Variants in LMBR1 observed in about 807,000 individuals in gnomAD.
LMBR1 encodes the protein limb region 1 protein homolog.
A neutral mutation model predicts 73.9 loss-of-function variants in LMBR1; 52 were observed. The ratio of observed to expected loss-of-function variants is 0.70; its 90% CI spans 0.56 to 0.89. LMBR1 has a LOEUF of 0.89. Among genes scored for constraint, LMBR1 ranks in the 40% least tolerant of loss-of-function variants. The probability of loss-of-function intolerance (pLI) is 0.00; values close to 1 mark genes in which losing one functional copy is unlikely to be tolerated. For missense variants in LMBR1, 539 were observed against 579.8 expected (o/e 0.93, Z 0.72); for synonymous variants, 215 against 209.4 (o/e 1.03, Z -0.23).
At chr7:156,882,346 G>A (rs186726672) in intron 1 of LMBR1, among the ~76,000 whole-genome samples, 1 of 152,324 alleles carries the variant, frequency 6.6e-6, no homozygotes, top group African/African-American at 2.4e-5. Flanking sequence ...TTAGGAGGCT[G>A]AGGTGAGAGG....
At chr7:156,795,810 C>T (rs575134065) in intron 5 of LMBR1, among the ~76,000 whole-genome samples, 12 of 152,280 alleles carry the variant, frequency 7.9e-5, no homozygotes, top group Non-Finnish European at 1.8e-4. Flanking sequence ...GCCGCAGCCT[C>T]CCAAAGTGGT....
intron 1 of LMBR1, among the ~76,000 whole-genome samples, chr7:156,874,476 C>T (rs570726858): frequency 6.6e-6 from 1 of 152,236 alleles, no homozygotes; most frequent in Non-Finnish European, 1.5e-5. Flanking sequence ...CCGAAGGGCT[C>T]CTCAAATGCC....
intron 1 of LMBR1, among the ~76,000 whole-genome samples, chr7:156,880,085 TG>T (rs1269301478): frequency 6.6e-6 from 1 of 152,178 alleles, no homozygotes; most frequent in Non-Finnish European, 1.5e-5. Context: ...GTTGCAAAAA[TG>T]TGGAACCAAC....
intron 15 of LMBR1, among the ~76,000 whole-genome samples, chr7:156,699,570 T>C (rs2132035689): frequency 6.6e-6 from 1 of 151,904 alleles, no homozygotes; most frequent in South Asian, 2.1e-4. Context: ...CTAATTAAAC[T>C]AAACAGCTTC....
intron 9 of LMBR1, among the ~76,000 whole-genome samples, chr7:156,752,406 G>C (rs1172255436): frequency 6.6e-6 from 1 of 152,182 alleles, no homozygotes; most frequent in African/African-American, 2.4e-5. Context: ...GATACAGTTG[G>C]GGAAAAACTG....
At chr7:156,872,809 T>G (rs953542382) in intron 1 of LMBR1, among the ~76,000 whole-genome samples, 1 of 150,928 alleles carries the variant, frequency 6.6e-6, no homozygotes, top group Non-Finnish European at 1.5e-5. Context: ...TCAGACAGAG[T>G]AGTGTGTGGA....
chr7:156,724,169 T>G lies in LMBR1; in HGVS notation c.1168A>C (p.Asn390His). 1.2e-6 allele frequency: 2 copies of G among 1,611,200 alleles called. No individual in the cohort carries two copies. Among genetic ancestry groups the G allele is most frequent in the Non-Finnish European group, 1.7e-6 (2 of 1,178,284 alleles). The change falls in exon 15 of 17, where the codon AAT becomes CAT. Residue 390 changes from asparagine (N) to histidine (H), a missense_variant. By Grantham distance (68) the Asn-to-His change is moderately conservative. This residue lies in a region of LMBR1 where 454 missense variants were observed against 473.4 expected (regional missense o/e 0.96). Coordinates refer to ENST00000353442, the MANE Select transcript of LMBR1 (RefSeq NM_022458.4). ...CTCAAAACCAAGATGGACACACAAT[T>G]TCCAATGATCTGTTATGAGAAACGA... ...DDTTMTKIIG[N>H]CVSILVLSSA...
At chr7:156,687,099 A>G (rs1806159319) in intron 16 of LMBR1, among the ~76,000 whole-genome samples, 1 of 152,188 alleles carries the variant, frequency 6.6e-6, no homozygotes, top group African/African-American at 2.4e-5. Context: ...CAAGGTTGGA[A>G]AGGCCTGGTG....
chr7:156,701,363 CAAT>C (rs1809638560), intron 15 of LMBR1, among the ~76,000 whole-genome samples: 1 of 152,066 alleles, frequency 6.6e-6, no homozygotes, highest in African/African-American at 2.4e-5. Context: ...TACTATTCAA[CAAT>C]AAAAAATGAA....
chr7:156,724,902 G>T (rs955879019), intron 14 of LMBR1, among the ~76,000 whole-genome samples: 1 of 151,848 alleles, frequency 6.6e-6, no homozygotes, highest in African/African-American at 2.4e-5. Context: ...GTCAGCCTAC[G>T]GGAATATTTT....
downstream of LMBR1, chr7:156,676,315 C>G (rs751671528): frequency 6.2e-7 from 1 of 1,611,148 alleles, no homozygotes; most frequent in African/African-American, 1.3e-5. Context: ...CCGCATGTTT[C>G]GAAGACCCAT....
At chr7:156,798,769 A>G (rs1250705218) in intron 4 of LMBR1, among the ~76,000 whole-genome samples, 1 of 152,210 alleles carries the variant, frequency 6.6e-6, no homozygotes, top group Non-Finnish European at 1.5e-5. Flanking sequence ...GTGGTGAAAA[A>G]TACATGACCG....
chr7:156,694,345 C>A (rs1017973515), intron 15 of LMBR1, among the ~76,000 whole-genome samples: 1 of 152,036 alleles, frequency 6.6e-6, no homozygotes, highest in African/African-American at 2.4e-5. Flanking sequence ...GTTGCCCAGG[C>A]CGGTCTTGAA....
At chr7:156,815,793 T>C (rs1451306546) in intron 4 of LMBR1, among the ~76,000 whole-genome samples, 1 of 152,052 alleles carries the variant, frequency 6.6e-6, no homozygotes. Flanking sequence ...TGAATATAAA[T>C]CCTCGAATAC....
intron 4 of LMBR1, among the ~76,000 whole-genome samples, chr7:156,819,924 G>T (rs1351210363): frequency 6.6e-6 from 1 of 152,164 alleles, no homozygotes; most frequent in Non-Finnish European, 1.5e-5. Context: ...CTATTATGGT[G>T]GGAAAGACCA....
At chr7:156,855,098 A>AT (rs1796758361) in intron 1 of LMBR1, among the ~76,000 whole-genome samples, 1 of 152,224 alleles carries the variant, frequency 6.6e-6, no homozygotes, top group South Asian at 2.1e-4. Context: ...CCAGACTCAC[A>AT]TATGACAGAG....
intron 1 of LMBR1, among the ~76,000 whole-genome samples, chr7:156,869,477 A>G (rs1043136693): frequency 3.3e-5 from 5 of 152,242 alleles, no homozygotes; most frequent in Admixed American, 2.0e-4. Context: ...CTGTAATTTA[A>G]GAAGGAAAGA....
In LMBR1 at chr7:156,680,759, T is replaced by A. The variant is rs1804891486; in HGVS notation, c.*3319A>T. On this transcript the variant is annotated 3_prime_UTR_variant, in exon 17 of 17. Coordinates refer to ENST00000353442, the MANE Select transcript of LMBR1 (RefSeq NM_022458.4). ...TCATCAGAATAATTACTGCCCTCTA[T>A]AAAACTGAAATGGAATTAAACTATA... 1 of 175,912 alleles carries A rather than the reference T, an allele frequency of 5.7e-6. No homozygotes were observed. The highest frequency in any genetic ancestry group is 6.4e-5 in the Admixed American group (1 of 15,526). 10.9% of individuals were successfully genotyped at this position (175,912 alleles called of 1,614,324 possible). A position where few individuals can be genotyped will look rare whatever the true frequency, so the allele number is the denominator to read the frequency against.
intron 4 of LMBR1, among the ~76,000 whole-genome samples, chr7:156,810,630 T>C (rs1401852424): frequency 6.6e-6 from 1 of 151,746 alleles, no homozygotes; most frequent in Non-Finnish European, 1.5e-5. Context: ...TGACCTCAAG[T>C]GATCCACCCA....
Sources: allele counts gnomAD v4.1 joint callset (sites outside exome capture counted in the v4.1 genomes callset), GRCh38; gene constraint gnomAD v4.1.1; regional missense constraint gnomAD v4.1.1; transcripts MANE v1.5; gene names NCBI Gene and HGNC (gene_info 2026-07-23, HGNC 2026-07-21).